Variants in TMEM131 observed in about 807,000 individuals in gnomAD.
The protein encoded by TMEM131 is 2610524E03Rik.
A neutral mutation model predicts 211.6 loss-of-function variants in TMEM131; 66 were observed. That is an observed-to-expected ratio of 0.31 (90% CI 0.26 to 0.38). TMEM131 has a LOEUF of 0.38. Ranked by LOEUF, TMEM131 falls within the 10% of genes least tolerant of loss-of-function variation. TMEM131 has a pLI of 1.00. For missense variants in TMEM131, 2,036 were observed against 2,299.3 expected (o/e 0.89, Z 2.34); for synonymous variants, 844 against 841.3 (o/e 1.00, Z -0.06).
chr2:97,867,762 A>G (rs1454956427), intron 4 of TMEM131, among the ~76,000 whole-genome samples: 1 of 152,188 alleles, frequency 6.6e-6, no homozygotes, highest in African/African-American at 2.4e-5. Flanking sequence ...AAATGCTAGC[A>G]GCCCTCCCTT....
At chr2:97,924,325 G>C (rs1398266289) in intron 2 of TMEM131, among the ~76,000 whole-genome samples, 1 of 152,234 alleles carries the variant, frequency 6.6e-6, no homozygotes, top group African/African-American at 2.4e-5. Flanking sequence ...CAAGGTTGCA[G>C]TGAGCTGTCA....
intron 3 of TMEM131, among the ~76,000 whole-genome samples, chr2:97,893,120 T>A (rs150307999): frequency 0.029 from 4,440 of 152,248 alleles, 78 homozygotes; most frequent in Middle Eastern, 0.065. Flanking sequence ...CAACTCCCAC[T>A]TATGAGTGAG....
At chr2:97,919,532 C>A (rs1388013927) in intron 2 of TMEM131, among the ~76,000 whole-genome samples, 1 of 152,172 alleles carries the variant, frequency 6.6e-6, no homozygotes, top group Admixed American at 6.5e-5. Flanking sequence ...GAAGGTCTCT[C>A]TTTTTCTCTA....
chr2:97,898,861 C>T (rs539477124), intron 3 of TMEM131, among the ~76,000 whole-genome samples: 1 of 151,958 alleles, frequency 6.6e-6, no homozygotes, highest in African/African-American at 2.4e-5. Context: ...TTCATTGTTA[C>T]TGATTTCTAA....
chr2:97,760,610 G>A lies in TMEM131; in HGVS notation c.5091C>T (p.Asp1697=), dbSNP rs1474164600. ...SSLGISHAPV[D]SDGSDSSGLW... ...TACCGTACCTGTCTGAGCCATCGCTGTCAACAGGAGCGTGTGAAATGCCAA... is the reference window on the plus strand; with the variant it reads ...TACCGTACCTGTCTGAGCCATCGCTATCAACAGGAGCGTGTGAAATGCCAA... Residue 1697 remains aspartate, a synonymous_variant, in exon 38 of 41, where the codon GAC becomes GAT. Transcript: ENST00000186436. 1.2e-6 allele frequency: 2 copies of A among 1,611,728 alleles called. No individual in the cohort carries two copies. The highest frequency in any genetic ancestry group is 1.3e-5 in the African/African-American group (1 of 74,926).
intron 5 of TMEM131, among the ~76,000 whole-genome samples, chr2:97,852,100 T>C (rs1050991889): frequency 3.9e-5 from 6 of 152,094 alleles, no homozygotes; most frequent in Non-Finnish European, 8.8e-5. Flanking sequence ...AACAGCCTTA[T>C]TGCTGATAGG....
At chr2:97,966,901 A>G (rs1679083228) in intron 1 of TMEM131, among the ~76,000 whole-genome samples, 1 of 152,176 alleles carries the variant, frequency 6.6e-6, no homozygotes, top group Non-Finnish European at 1.5e-5. Context: ...AAAGGTAGCC[A>G]GGCAGGTCCC....
chr2:97,800,595 C>CAA (rs3064071), intron 25 of TMEM131, among the ~76,000 whole-genome samples: 14,960 of 123,202 alleles, frequency 0.12, 1,447 homozygotes, highest in Non-Finnish European at 0.17. Flanking sequence ...ACTAAAAATA[C>CAA]AAAAAAAAAA....
chr2:97,926,687 T>A (rs1317784439), intron 2 of TMEM131, among the ~76,000 whole-genome samples: 2 of 152,210 alleles, frequency 1.3e-5, no homozygotes, highest in East Asian at 1.9e-4. Flanking sequence ...CCAAAGACTA[T>A]TAGTGAATCA....
At chr2:97,929,857 C>T (rs910096995) in intron 1 of TMEM131, among the ~76,000 whole-genome samples, 1 of 151,914 alleles carries the variant, frequency 6.6e-6, no homozygotes, top group South Asian at 2.1e-4. Flanking sequence ...TATGTTATCT[C>T]TAGTCCTGGC....
chr2:97,878,212 C>T (rs553917863), intron 4 of TMEM131, among the ~76,000 whole-genome samples: 3 of 152,222 alleles, frequency 2.0e-5, no homozygotes, highest in African/African-American at 4.8e-5. Flanking sequence ...AGATGCTGGA[C>T]AGGATGTGGA....
chr2:97,870,088 A>G (rs1489044089), intron 4 of TMEM131, among the ~76,000 whole-genome samples: 1 of 152,098 alleles, frequency 6.6e-6, no homozygotes, highest in Non-Finnish European at 1.5e-5. Context: ...AATACCTGAC[A>G]TTTCTGTTTC....
intron 29 of TMEM131, 121 bp from the exon 30 acceptor site, chr2:97,793,674 T>A (rs1007084445): frequency 1.1e-5 from 11 of 1,011,996 alleles, no homozygotes; most frequent in Non-Finnish European, 1.4e-5. Context: ...AAAACCAAGT[T>A]GTCTGTGACA....
intron 5 of TMEM131, among the ~76,000 whole-genome samples, chr2:97,852,658 C>T (rs2105147735): frequency 6.6e-6 from 1 of 152,370 alleles, no homozygotes; most frequent in East Asian, 1.9e-4. Context: ...GTACAAGTTG[C>T]AGCAAGTTAT....
chr2:97,974,002 A>G (rs1305679786), intron 1 of TMEM131, among the ~76,000 whole-genome samples: 1 of 152,264 alleles, frequency 6.6e-6, no homozygotes, highest in African/African-American at 2.4e-5. Flanking sequence ...TATCAGGCAC[A>G]CACAAGAGAC....
chr2:97,837,958 T>G (rs1269537983), intron 7 of TMEM131, among the ~76,000 whole-genome samples: 2 of 152,154 alleles, frequency 1.3e-5, no homozygotes, highest in African/African-American at 4.8e-5. Context: ...TTTTCTAGAG[T>G]TTTATCTAAA....
Position 97,792,447 on chromosome 2 carries a change from A to T in TMEM131, c.4083T>A (p.His1361Gln), listed in dbSNP as rs752466174. 2 of 1,612,860 alleles carry T rather than the reference A, an allele frequency of 1.2e-6. No homozygotes were observed. Among genetic ancestry groups the T allele is most frequent in the Non-Finnish European group, 1.7e-6 (2 of 1,179,350 alleles). Residue 1361 changes from histidine (H) to glutamine (Q), a missense_variant, in exon 31 of 41, where the codon CAT becomes CAA. Physicochemically the swap from His to Gln is conservative, Grantham distance 24. Transcript: ENST00000186436. ...TAAACACTTCTAGGGCTGGGGAGTC[A>T]TGGTGGTCGAAGTCTTTGTCCATGG... ...IEAMDKDFDH[H>Q]DSPALEVFTE...
At chr2:97,898,434 A>C (rs1274520310) in intron 3 of TMEM131, among the ~76,000 whole-genome samples, 6 of 152,154 alleles carry the variant, frequency 3.9e-5, no homozygotes, top group African/African-American at 1.4e-4. Flanking sequence ...AGGGTCTATA[A>C]GCAGGCAATT....
At chr2:97,939,204 CA>C (rs960908987) in intron 1 of TMEM131, among the ~76,000 whole-genome samples, 1 of 151,390 alleles carries the variant, frequency 6.6e-6, no homozygotes, top group African/African-American at 2.4e-5. Context: ...GAGATACAGA[CA>C]AAAAAAACCC....
Sources: allele counts gnomAD v4.1 joint callset (sites outside exome capture counted in the v4.1 genomes callset), GRCh38; gene constraint gnomAD v4.1.1; transcripts MANE v1.5; gene names NCBI Gene and HGNC (gene_info 2026-07-23, HGNC 2026-07-21).